The following AGBL1 variants were observed in gnomAD, a reference collection of about 807,000 sequenced individuals.
AGBL1 encodes the protein cytosolic carboxypeptidase 4.
AGBL1 carries 130 observed loss-of-function variants against 118.9 expected under a neutral mutation model. The ratio of observed to expected loss-of-function variants is 1.09; its 90% confidence interval spans 0.95 to 1.26. AGBL1 has a LOEUF of 1.26. Among genes scored for constraint, AGBL1 ranks in the 50% most tolerant of loss-of-function variants. The pLI is 0.00. For missense variants in AGBL1, 1,584 were observed against 1,298.1 expected (o/e 1.22, Z -3.38); for synonymous variants, 555 against 478.9 (o/e 1.16, Z -2.08).
At chr15:86,925,720 C>CTTTTTTTTTTTTTTTTTTTTTTTTTT (rs375125663) in intron 23 of AGBL1, among the ~76,000 whole-genome samples, 4 of 131,970 alleles carry the variant, frequency 3.0e-5, no homozygotes, top group African/African-American at 8.4e-5. Flanking sequence ...TTTTTCTTTT[C>CTTTTTTTTTTTTTTTTTTTTTTTTTT]TTTTTTTTTT....
chr15:86,169,722 G>A (rs1385285365), intron 5 of AGBL1, among the ~76,000 whole-genome samples: 1 of 152,188 alleles, frequency 6.6e-6, no homozygotes, highest in African/African-American at 2.4e-5. Flanking sequence ...ATTCAGCACA[G>A]ATGCAATTTT....
At chr15:87,022,873 A>C (rs1245705697) in intron 24 of AGBL1, among the ~76,000 whole-genome samples, 1 of 152,090 alleles carries the variant, frequency 6.6e-6, no homozygotes, top group Admixed American at 6.6e-5. Flanking sequence ...TTCATATATG[A>C]AGGAAAGATA....
At chr15:86,895,371 T>A (rs553086898) in intron 22 of AGBL1, among the ~76,000 whole-genome samples, 153 of 151,972 alleles carry the variant, frequency 1.0e-3, no homozygotes, top group Middle Eastern at 3.4e-3. Flanking sequence ...AGAGTAGACT[T>A]TCCAGTTCTT....
At chr15:86,657,687 T>G (rs1469841819) in intron 21 of AGBL1, among the ~76,000 whole-genome samples, 1 of 152,154 alleles carries the variant, frequency 6.6e-6, no homozygotes, top group Non-Finnish European at 1.5e-5. Flanking sequence ...ACAGTATAAT[T>G]TATGTCTGGA....
chr15:86,769,187 G>A (rs2078138122), intron 22 of AGBL1, among the ~76,000 whole-genome samples: 1 of 138,536 alleles, frequency 7.2e-6, no homozygotes, highest in Non-Finnish European at 1.5e-5. Context: ...GAGAGAGAGA[G>A]AGACAGAGAA....
rs146663662 is a variant in AGBL1 at position 86,397,561 on chromosome 15, T to C, written c.2555+15T>C. The C allele has an allele frequency of 4.3e-3, 6,772 of 1,591,718 alleles. 24 individuals are homozygous for C. Among genetic ancestry groups the C allele is most frequent in the Non-Finnish European group, 5.3e-3 (6,203 of 1,167,402 alleles). ...ATCAACGGCAAGTATGTCAGGCACCTGGCTCAGCCAAACCCACAATTATGC... is the reference window on the plus strand; with the variant it reads ...ATCAACGGCAAGTATGTCAGGCACCCGGCTCAGCCAAACCCACAATTATGC... On this transcript the variant is annotated intron_variant, in intron 18 of 22. Coordinates refer to ENST00000614907, the MANE Select transcript of AGBL1 (RefSeq NM_001386094.1).
At chr15:86,837,756 G>A (rs1427305937) in intron 22 of AGBL1, among the ~76,000 whole-genome samples, 1 of 152,182 alleles carries the variant, frequency 6.6e-6, no homozygotes, top group Non-Finnish European at 1.5e-5. Context: ...TCCTCAAAAT[G>A]GTTTTGGATT....
chr15:87,030,369 T>C (rs1009637648), downstream of AGBL1, among the ~76,000 whole-genome samples: 3 of 152,036 alleles, frequency 2.0e-5, no homozygotes, highest in Admixed American at 6.6e-5. Context: ...AATTCTTAGA[T>C]ATAATTTTTA....
At chr15:86,750,502 A>G (rs1018225574) in intron 22 of AGBL1, among the ~76,000 whole-genome samples, 6 of 151,354 alleles carry the variant, frequency 4.0e-5, no homozygotes, top group East Asian at 3.9e-4. Flanking sequence ...TTAACAAGCA[A>G]TTGTAGTTGT....
intron 18 of AGBL1, among the ~76,000 whole-genome samples, chr15:86,430,978 A>G (rs1189751403): frequency 4.6e-5 from 7 of 152,330 alleles, no homozygotes; most frequent in African/African-American, 1.7e-4. Flanking sequence ...TAGATAAGGA[A>G]AGTGAGACTC....
At chr15:86,736,451 C>G (rs2077600968) in intron 22 of AGBL1, among the ~76,000 whole-genome samples, 1 of 152,072 alleles carries the variant, frequency 6.6e-6, no homozygotes, top group South Asian at 2.1e-4. Flanking sequence ...TATAGCATCT[C>G]CCATTTAATT....
At chr15:86,080,941 G>C (rs1027096474) in intron 1 of AGBL1, among the ~76,000 whole-genome samples, 8 of 149,280 alleles carry the variant, frequency 5.4e-5, no homozygotes, top group East Asian at 1.9e-4. Context: ...GTGGGGGCGG[G>C]GGGGGGTCCA....
At chr15:86,552,964 T>TA (rs1277547775) in intron 20 of AGBL1, among the ~76,000 whole-genome samples, 1 of 151,982 alleles carries the variant, frequency 6.6e-6, no homozygotes, top group Non-Finnish European at 1.5e-5. Context: ...TTAATAATTA[T>TA]AATTAACAGT....
intron 18 of AGBL1, among the ~76,000 whole-genome samples, chr15:86,400,227 G>C (rs977445168): frequency 1.6e-4 from 25 of 152,072 alleles, no homozygotes; most frequent in African/African-American, 5.8e-4. Flanking sequence ...TCTTTGTCCT[G>C]TGAGCTTCAC....
At chr15:86,375,916 A>G (rs1242578076) in intron 17 of AGBL1, among the ~76,000 whole-genome samples, 2 of 152,198 alleles carry the variant, frequency 1.3e-5, no homozygotes, top group Non-Finnish European at 2.9e-5. Flanking sequence ...TGGGAAAGGA[A>G]GGGTGGAGTC....
chr15:86,817,632 C>A (rs2078883079), intron 22 of AGBL1, among the ~76,000 whole-genome samples: 1 of 145,648 alleles, frequency 6.9e-6, no homozygotes, highest in Non-Finnish European at 1.5e-5. Flanking sequence ...GGCATACACA[C>A]ACACACACAC....
intron 5 of AGBL1, among the ~76,000 whole-genome samples, chr15:86,178,154 A>G (rs990006448): frequency 1.3e-5 from 2 of 152,190 alleles, no homozygotes; most frequent in East Asian, 3.9e-4. Flanking sequence ...TCTACTAAAA[A>G]TACAAAAATT....
At chr15:86,371,666 C>T (rs6496324) in intron 17 of AGBL1, among the ~76,000 whole-genome samples, 34,131 of 151,960 alleles carry the variant, frequency 0.22, 5,283 homozygotes, top group African/African-American at 0.44. Flanking sequence ...GGGTCAAGAC[C>T]ATTTATGTGT....
chr15:86,716,125 A>G (rs999783949), intron 22 of AGBL1, among the ~76,000 whole-genome samples: 1 of 151,678 alleles, frequency 6.6e-6, no homozygotes, highest in Non-Finnish European at 1.5e-5. Flanking sequence ...TTGCTAGTCT[A>G]TTGGTAGTAA....
Sources: gnomAD v4.1 joint callset for allele counts (sites outside exome capture counted in the v4.1 genomes callset) on GRCh38, gnomAD v4.1.1 for gene constraint, MANE v1.5 for transcripts, NCBI Gene and HGNC (gene_info 2026-07-23, HGNC 2026-07-21) for gene names.